WDR17: variants seen among roughly 807,000 people sequenced by gnomAD.
The protein encoded by WDR17 is WD repeat domain 17.
Under a neutral mutation model 161.7 loss-of-function variants are expected in WDR17, and 143 were observed. The ratio of observed to expected loss-of-function variants is 0.88; its 90% CI spans 0.77 to 1.02. The LOEUF is 1.02. Ranked by LOEUF, WDR17 falls within the 50% of genes least tolerant of loss-of-function variation. WDR17 has a pLI of 0.00. For missense variants in WDR17, 1,469 were observed against 1,520.9 expected (o/e 0.97, Z 0.57); for synonymous variants, 517 against 515.6 (o/e 1.00, Z -0.04).
In WDR17 at chr4:176,173,577, C is replaced by T. The variant is rs577028995; in HGVS notation, c.3347+208C>T. 1.1e-4 allele frequency among the ~76,000 whole-genome samples: 17 copies of T among 152,162 alleles called. No homozygotes were observed. In the East Asian group the frequency reaches 2.7e-3, roughly 24 times the overall value. On this transcript the variant is annotated intron_variant, in intron 25 of 28. Coordinates refer to ENST00000508596, the MANE Select transcript of WDR17 (RefSeq NM_181265.4). The stretch of plus-strand genomic sequence containing the variant: ...TGTCGCCCAGGCTGGAGTGCAGTGG[C>T]GTGATCTCAGCTCACTGCAAGCTCC...
At chr4:176,131,828 A>G (rs1314906241) in intron 7 of WDR17, 90 bp downstream of exon 7, 1 of 1,071,032 alleles carries the variant, frequency 9.3e-7, no homozygotes, top group East Asian at 2.8e-5. Context: ...ATTATTTGAA[A>G]TTATTTTTGT....
intron 22 of WDR17, among the ~76,000 whole-genome samples, chr4:176,167,666 A>AAAAAAAAAAAAAAAACAAAAAAAC (rs1561210753): frequency 1.4e-5 from 2 of 139,866 alleles, no homozygotes; most frequent in African/African-American, 5.2e-5. Context: ...AAAAAAAAAA[A>AAAAAAAAAAAAAAAACAAAAAAAC]AAAAAACAAT....
At position 176,103,923 on chromosome 4, in the gene WDR17, C is replaced by T. The variant is rs569685753; in HGVS notation, c.-6-7652C>T. Among the ~76,000 whole-genome samples, 5 of 152,178 alleles carry T rather than the reference C, an allele frequency of 3.3e-5. No homozygotes were observed. In the South Asian group the frequency reaches 1.0e-3, roughly 32 times the overall value. ...TGAAGTAAATTTCCAAGAGTTTCAGCAAGCTCCAAGAATTTGAACTGAAAT... is the reference window on the plus strand; with the variant it reads ...TGAAGTAAATTTCCAAGAGTTTCAGTAAGCTCCAAGAATTTGAACTGAAAT... On this transcript the variant is annotated intron_variant, in intron 1 of 28. Transcript: ENST00000508596.
chr4:176,154,384 G>A (rs1747727708), intron 17 of WDR17, among the ~76,000 whole-genome samples: 3 of 152,128 alleles, frequency 2.0e-5, no homozygotes, highest in South Asian at 2.1e-4. Flanking sequence ...AGGAGGCTGA[G>A]GCAGGAGAAT....
chr4:176,166,116 TC>T, intron 22 of WDR17: 1 of 1,091,338 alleles, frequency 9.2e-7, no homozygotes, highest in South Asian at 1.6e-5. Flanking sequence ...TTTAATATTT[TC>T]CTTTAGCTTT....
rs377296018 is a variant in WDR17 at position 176,115,997 on chromosome 4, A to T, written c.307+18A>T. On this transcript the variant is annotated intron_variant, in intron 3 of 28. Coordinates refer to ENST00000508596, the MANE Select transcript of WDR17 (RefSeq NM_181265.4). ...TACAAAAGGTATAATTACAACTGGG[A>T]TTTATTTTATGGAATAAAATATTTT... 3.9e-5 allele frequency: 62 copies of T among 1,577,028 alleles called. No homozygotes were observed. The African/African-American group carries it at 7.7e-4, about 20-fold the overall frequency.
At chr4:176,139,424 T>G (rs1744904914) in intron 9 of WDR17, among the ~76,000 whole-genome samples, 1 of 151,968 alleles carries the variant, frequency 6.6e-6, no homozygotes, top group Non-Finnish European at 1.5e-5. Flanking sequence ...AAATCTATTC[T>G]GATTTCTTTA....
intron 23 of WDR17, among the ~76,000 whole-genome samples, chr4:176,170,804 A>G (rs1750623230): frequency 6.6e-6 from 1 of 152,230 alleles, no homozygotes; most frequent in African/African-American, 2.4e-5. Flanking sequence ...AGTATGTGTA[A>G]AAGTGTTAAT....
chr4:176,136,195 G>A (rs975348366), intron 8 of WDR17, among the ~76,000 whole-genome samples: 15 of 151,550 alleles, frequency 9.9e-5, no homozygotes, highest in Admixed American at 8.6e-4. Flanking sequence ...CCTACAATGA[G>A]GAGAATTACA....
chr4:176,132,419 T>C (rs1292209033), intron 7 of WDR17, among the ~76,000 whole-genome samples: 1 of 152,208 alleles, frequency 6.6e-6, no homozygotes, highest in East Asian at 1.9e-4. Context: ...TTTCTAAAAA[T>C]GTCCCTGTCT....
At chr4:176,122,187 CAGT>C (rs2126727504) in intron 4 of WDR17, among the ~76,000 whole-genome samples, 2 of 152,274 alleles carry the variant, frequency 1.3e-5, no homozygotes, top group African/African-American at 4.8e-5. Flanking sequence ...AGTATAACTG[CAGT>C]CTTCACATGG....
In WDR17 at chr4:176,161,019, C is replaced by T. The variant is rs1398171717; in HGVS notation, c.2750+17C>T. 2 of 1,588,976 alleles carry T rather than the reference C, an allele frequency of 1.3e-6. No individual in the cohort carries two copies. Among genetic ancestry groups the T allele is most frequent in the South Asian group, 1.2e-5 (1 of 86,074 alleles). On this transcript the variant is annotated intron_variant, in intron 20 of 28. Coordinates refer to ENST00000508596, the MANE Select transcript of WDR17 (RefSeq NM_181265.4). ...CTTTAATGAGTGAGTGATTTATTTGCTCTGGGTCCATATGTTTTATGGTTG... is the reference window on the plus strand; with the variant it reads ...CTTTAATGAGTGAGTGATTTATTTGTTCTGGGTCCATATGTTTTATGGTTG...
chr4:176,086,699 A>G (rs565941427), intron 1 of WDR17, among the ~76,000 whole-genome samples: 1 of 151,786 alleles, frequency 6.6e-6, no homozygotes, highest in African/African-American at 2.4e-5. Context: ...AGTGTGCCCT[A>G]TGTAAAGAGC....
chr4:176,096,768 A>G (rs1427897589), intron 1 of WDR17, among the ~76,000 whole-genome samples: 1 of 151,968 alleles, frequency 6.6e-6, no homozygotes, highest in Non-Finnish European at 1.5e-5. Context: ...GGGTAATTAT[A>G]TAGTGAAGAA....
At chr4:176,079,828 G>A (rs1026017353) in intron 1 of WDR17, among the ~76,000 whole-genome samples, 4 of 152,058 alleles carry the variant, frequency 2.6e-5, no homozygotes, top group Non-Finnish European at 5.9e-5. Flanking sequence ...AGGCAGTACA[G>A]GTAATCACAA....
chr4:176,118,020 CTTTT>C (rs537329503), intron 3 of WDR17, among the ~76,000 whole-genome samples: 10 of 151,904 alleles, frequency 6.6e-5, no homozygotes, highest in African/African-American at 2.4e-4. Context: ...CTTCTTCTTC[CTTTT>C]GTTTCTAATA....
At chr4:176,144,588 T>C (rs1745867175) in intron 11 of WDR17, among the ~76,000 whole-genome samples, 1 of 152,216 alleles carries the variant, frequency 6.6e-6, no homozygotes. Context: ...TAATATAATA[T>C]GTTTAGTTAG....
In WDR17 at chr4:176,149,966, A is replaced by G. The variant is rs1172705536; in HGVS notation, c.2047+10A>G. On this transcript the variant is annotated intron_variant, in intron 14 of 28. Coordinates refer to ENST00000508596, the MANE Select transcript of WDR17 (RefSeq NM_181265.4). ...ATTATTGGGAACACTGGTATGGAAC[A>G]TATACATGTATTAGAGTTTATTTCT... The G allele has an allele frequency of 3.7e-6, 6 of 1,611,116 alleles. No homozygotes were observed. Among genetic ancestry groups the G allele is most frequent in the Middle Eastern group, 3.3e-4 (2 of 6,072 alleles).
intron 1 of WDR17, among the ~76,000 whole-genome samples, chr4:176,076,726 T>A (rs1208565340): frequency 2.6e-5 from 4 of 152,050 alleles, no homozygotes; most frequent in Non-Finnish European, 4.4e-5. Flanking sequence ...TTTAGCCATC[T>A]CATCCTGCAG....
Sources: allele counts gnomAD v4.1 joint callset (sites outside exome capture counted in the v4.1 genomes callset), GRCh38; gene constraint gnomAD v4.1.1; transcripts MANE v1.5; gene names NCBI Gene and HGNC (gene_info 2026-07-23, HGNC 2026-07-21).